The following ABTB2 variants were observed in gnomAD, a reference collection of about 807,000 sequenced individuals.
ABTB2 encodes the protein ankyrin repeat and BTB domain containing 2, also known as ankyrin repeat and BTB/POZ domain-containing protein 2.
Under a neutral mutation model 104.1 loss-of-function variants are expected in ABTB2, and 56 were observed. The ratio of observed to expected loss-of-function variants is 0.54; its 90% CI spans 0.43 to 0.67. The LOEUF is 0.67. Ranked by LOEUF, ABTB2 falls within the 30% of genes least tolerant of loss-of-function variation. The probability of loss-of-function intolerance (pLI) is 0.00; values close to 1 mark genes in which losing one functional copy is unlikely to be tolerated. For missense variants in ABTB2, 1,279 were observed against 1,407.7 expected (o/e 0.91, Z 1.46); for synonymous variants, 606 against 608.2 (o/e 1.00, Z 0.05).
Position 34,173,146 on chromosome 11 carries a change from G to A in ABTB2, c.1397+9C>T, listed in dbSNP as rs770099849. 2 of 1,613,660 alleles carry A rather than the reference G, an allele frequency of 1.2e-6. No individual in the cohort carries two copies. The highest frequency in any genetic ancestry group is 2.7e-5 in the African/African-American group (2 of 75,044). On this transcript the variant is annotated intron_variant, in intron 4 of 16. Transcript: ENST00000435224. ...GATGCCGGGGCCCTCCCTCCTCCCTGGTTCATACTTGAGCTGCCGAGGTTC... is the reference window on the plus strand; with the variant it reads ...GATGCCGGGGCCCTCCCTCCTCCCTAGTTCATACTTGAGCTGCCGAGGTTC...
intron 3 of ABTB2, among the ~76,000 whole-genome samples, chr11:34,186,679 G>A (rs868164832): frequency 6.6e-6 from 1 of 152,216 alleles, no homozygotes; most frequent in African/African-American, 2.4e-5. Context: ...GCCCTGGGGG[G>A]TGCTTGTCAG....
At chr11:34,265,309 G>A (rs1401302162) in intron 1 of ABTB2, among the ~76,000 whole-genome samples, 2 of 152,146 alleles carry the variant, frequency 1.3e-5, no homozygotes, top group East Asian at 1.9e-4. Flanking sequence ...CCCTCAATGG[G>A]GTGAGTACCT....
At chr11:34,211,959 A>C in intron 1 of ABTB2, among the ~76,000 whole-genome samples, 1 of 151,918 alleles carries the variant, frequency 6.6e-6, no homozygotes, top group Middle Eastern at 3.4e-3. Flanking sequence ...CTTGGGCAAA[A>C]CCCATCTCAA....
At chr11:34,208,471 G>C (rs940113398) in intron 1 of ABTB2, among the ~76,000 whole-genome samples, 7 of 152,154 alleles carry the variant, frequency 4.6e-5, no homozygotes, top group East Asian at 1.9e-4. Flanking sequence ...TCGGAGTGTG[G>C]AGCAGTGAGC....
At chr11:34,226,436 T>G (rs1853687765) in intron 1 of ABTB2, among the ~76,000 whole-genome samples, 1 of 152,082 alleles carries the variant, frequency 6.6e-6, no homozygotes, top group African/African-American at 2.4e-5. Flanking sequence ...AATGAACAAG[T>G]GCAGACTACA....
intron 3 of ABTB2, among the ~76,000 whole-genome samples, chr11:34,173,845 G>A (rs920992632): frequency 6.6e-6 from 1 of 152,214 alleles, no homozygotes; most frequent in Non-Finnish European, 1.5e-5. Flanking sequence ...AAGCACACTC[G>A]AGTCTGGTTC....
chr11:34,304,149 T>A (rs1338448613), intron 1 of ABTB2, among the ~76,000 whole-genome samples: 1 of 152,220 alleles, frequency 6.6e-6, no homozygotes, highest in Non-Finnish European at 1.5e-5. Flanking sequence ...CTGTATATGC[T>A]ATCTGCCCAT....
intron 1 of ABTB2, among the ~76,000 whole-genome samples, chr11:34,217,101 A>C (rs1375067512): frequency 6.6e-6 from 1 of 152,206 alleles, no homozygotes; most frequent in Admixed American, 6.5e-5. Flanking sequence ...ACTGCCTCTA[A>C]GCTGTTATTC....
chr11:34,211,823 A>G (rs2133044937), intron 1 of ABTB2, among the ~76,000 whole-genome samples: 1 of 141,076 alleles, frequency 7.1e-6, no homozygotes, highest in African/African-American at 2.6e-5. Flanking sequence ...TGGGAGGCAG[A>G]GGTTGCAGTG....
rs145850373 is a variant in ABTB2, at chr11:34,229,673, A to G, written c.884-24983T>C. 5.8e-3 allele frequency among the ~76,000 whole-genome samples: 890 copies of G among 152,246 alleles called. 2 individuals are homozygous for G. The highest frequency in any genetic ancestry group is 0.017 in the Middle Eastern group (5 of 292). On this transcript the variant is annotated intron_variant, in intron 1 of 16. Transcript: ENST00000435224. ...AAAGCTCTCTCACTAGTTTCATATT[A>G]AATTACTTTAGCACTATAAGAATAA...
chr11:34,254,139 A>C (rs1387810337), intron 1 of ABTB2, among the ~76,000 whole-genome samples: 1 of 152,158 alleles, frequency 6.6e-6, no homozygotes, highest in Non-Finnish European at 1.5e-5. Context: ...AAATCCTCAC[A>C]ACAACACCAT....
chr11:34,205,073 T>A (rs1340075567), intron 1 of ABTB2, among the ~76,000 whole-genome samples: 2 of 152,236 alleles, frequency 1.3e-5, no homozygotes, highest in African/African-American at 4.8e-5. Context: ...GCTCGTTGAA[T>A]ATTTACAGAG....
At chr11:34,159,437 A>C (rs763710490) in intron 13 of ABTB2, 51 bp from the exon 14 acceptor site, 2 of 1,260,014 alleles carry the variant, frequency 1.6e-6, no homozygotes, top group Non-Finnish European at 1.2e-6. Context: ...TTACTTCACC[A>C]CTGTGTGGCG....
At chr11:34,191,566 G>A (rs1853177249) in intron 3 of ABTB2, among the ~76,000 whole-genome samples, 1 of 152,188 alleles carries the variant, frequency 6.6e-6, no homozygotes, top group Admixed American at 6.5e-5. Context: ...TGGGGGTGCA[G>A]AACTACATAT....
intron 1 of ABTB2, among the ~76,000 whole-genome samples, chr11:34,291,449 G>C (rs2611126): frequency 0.27 from 41,452 of 152,108 alleles, 6,165 homozygotes; most frequent in East Asian, 0.61. Flanking sequence ...AGTGTTCTTC[G>C]GCGTGGGGCA....
intron 1 of ABTB2, among the ~76,000 whole-genome samples, chr11:34,259,342 G>A (rs142786400): frequency 7.3e-4 from 111 of 152,290 alleles, no homozygotes; most frequent in African/African-American, 2.6e-3. Context: ...TTTTATAGCA[G>A]GAATAAAGCA....
chr11:34,154,921 G>T lies in ABTB2; in HGVS notation c.2698-152C>A. 1 of 698,108 alleles carries T rather than the reference G, an allele frequency of 1.4e-6. No homozygotes were observed. The highest frequency in any genetic ancestry group is 2.4e-6 in the Non-Finnish European group (1 of 419,418). 43.2% of individuals were successfully genotyped at this position (698,108 alleles called of 1,614,324 possible). ...GTCTCTCCCTCCCTCTCCTGCTCAG[G>T]CTGAGACTTGTGTTTTCCCGGGGAA... On this transcript the variant is annotated intron_variant, in intron 14 of 16. Transcript: ENST00000435224. This position sits in a 1 kb window ranked among gnomAD's most constrained non-coding sequence, Gnocchi z 4.9.
At chr11:34,245,391 C>T (rs1853973075) in intron 1 of ABTB2, among the ~76,000 whole-genome samples, 1 of 152,158 alleles carries the variant, frequency 6.6e-6, no homozygotes, top group Non-Finnish European at 1.5e-5. Flanking sequence ...AGCAAACCAC[C>T]CAGGACCAGG....
chr11:34,265,661 GAAAAAAA>G (rs1233763258), intron 1 of ABTB2, among the ~76,000 whole-genome samples: 1 of 25,654 alleles, frequency 3.9e-5, no homozygotes, highest in Non-Finnish European at 9.0e-5. Context: ...TCTGTCTCAA[GAAAAAAA>G]AAAAAAAAAA....
Sources: gnomAD v4.1 joint callset for allele counts (sites outside exome capture counted in the v4.1 genomes callset) on GRCh38, gnomAD v4.1.1 for gene constraint, Gnocchi (gnomAD v3.1) non-coding constraint, MANE v1.5 for transcripts, NCBI Gene and HGNC (gene_info 2026-07-23, HGNC 2026-07-21) for gene names.